The following TAAR5 variants were observed in gnomAD, a reference collection of about 807,000 sequenced individuals.
The protein encoded by TAAR5 is trace amine-associated receptor 5.
A neutral mutation model predicts 21.1 loss-of-function variants in TAAR5; 27 were observed. The observed-to-expected ratio is 1.28, with a 90% CI of 0.94 to 1.76. The LOEUF is 1.76. TAAR5 is among the 40% of genes most tolerant of loss of function. The probability of loss-of-function intolerance (pLI) is 0.00; values close to 1 mark genes in which losing one functional copy is unlikely to be tolerated. For synonymous variants in TAAR5, 203 were observed against 167.5 expected (o/e 1.21, Z -1.64); for missense variants, 495 against 405.6 (o/e 1.22, Z -1.89).
the TAAR5 span, among the ~76,000 whole-genome samples, chr6:132,610,499 C>T: frequency 2.0e-5 from 3 of 152,120 alleles, no homozygotes; most frequent in African/African-American, 7.2e-5. Context: ...CAAGAAAGAG[C>T]AAAAACTGGC....
the TAAR5 span, among the ~76,000 whole-genome samples, chr6:132,613,967 T>A: frequency 6.6e-6 from 1 of 152,216 alleles, no homozygotes; most frequent in Non-Finnish European, 1.5e-5. Context: ...TACAAGCATA[T>A]AAATAAATGT....
chr6:132,597,640 C>G, the TAAR5 span, among the ~76,000 whole-genome samples: 1 of 152,048 alleles, frequency 6.6e-6, no homozygotes, highest in Non-Finnish European at 1.5e-5. Flanking sequence ...TATTATTGTG[C>G]CTTTTTCTCT....
At position 132,589,480 on chromosome 6, in the gene TAAR5, G is replaced by A. The variant is rs1392556342; in HGVS notation, c.207C>T (p.Thr69=). The part of the protein sequence containing the change: ...VSYFKALHTP[T]NFLLLSLALA... ...GGGCCAGGGAGAGCAGCAGGAAGTT[G>A]GTGGGCGTGTGAAGCGCTTTGAAGT... The change falls in exon 1 of 1, where the codon ACC becomes ACT. Residue 69 remains threonine, a synonymous_variant. Coordinates refer to ENST00000258034, the MANE Select transcript of TAAR5 (RefSeq NM_003967.3). The A allele has an allele frequency of 5.0e-6, 8 of 1,613,938 alleles. No individual in the cohort carries two copies. In the Admixed American group the frequency reaches 1.2e-4, roughly 24 times the overall value.
At chr6:132,605,042 G>C in the TAAR5 span, among the ~76,000 whole-genome samples, 1 of 152,164 alleles carries the variant, frequency 6.6e-6, no homozygotes, top group East Asian at 1.9e-4. Flanking sequence ...ATAAGTACCC[G>C]ATTTCACCCT....
At chr6:132,610,787 C>G in the TAAR5 span, among the ~76,000 whole-genome samples, 41,873 of 151,846 alleles carry the variant, frequency 0.28, 5,975 homozygotes, top group Middle Eastern at 0.41. Flanking sequence ...AAGAGCCTTG[C>G]GTTGAGAGTT....
chr6:132,613,361 T>C, the TAAR5 span, among the ~76,000 whole-genome samples: 3 of 152,222 alleles, frequency 2.0e-5, no homozygotes, highest in Admixed American at 2.0e-4. Context: ...CCATTAACAT[T>C]GTTCCTGCCT....
chr6:132,593,834 A>C (rs536841861), upstream of TAAR5, among the ~76,000 whole-genome samples: 59 of 152,316 alleles, frequency 3.9e-4, no homozygotes, highest in African/African-American at 1.3e-3. Context: ...ATCTCACATC[A>C]GTTCTTTCTG....
At chr6:132,593,079 C>T (rs1317319439), upstream of TAAR5, among the ~76,000 whole-genome samples, 1 of 152,092 alleles carries the variant, frequency 6.6e-6, no homozygotes, top group Admixed American at 6.5e-5. Flanking sequence ...GCTTAGTGAC[C>T]CCTTCTCTGA....
chr6:132,613,452 A>G, the TAAR5 span, among the ~76,000 whole-genome samples: 2 of 152,048 alleles, frequency 1.3e-5, no homozygotes, highest in Admixed American at 6.6e-5. Flanking sequence ...TATGTTATCT[A>G]TTATGTTGAA....
chr6:132,606,946 A>C, the TAAR5 span, among the ~76,000 whole-genome samples: 1 of 152,222 alleles, frequency 6.6e-6, no homozygotes, highest in South Asian at 2.1e-4. Flanking sequence ...CTGTAATCCC[A>C]GCACTTTGGG....
chr6:132,604,270 C>T, the TAAR5 span, among the ~76,000 whole-genome samples: 5 of 151,130 alleles, frequency 3.3e-5, no homozygotes, highest in African/African-American at 4.9e-5. Flanking sequence ...CAGCCTCCTG[C>T]GTAGCTGGAC....
chr6:132,589,868 A>G, upstream of TAAR5, among the ~76,000 whole-genome samples: 1 of 151,922 alleles, frequency 6.6e-6, no homozygotes. Context: ...TACTGAATCA[A>G]ATGTGCCCTG....
upstream of TAAR5, among the ~76,000 whole-genome samples, chr6:132,592,820 CT>C (rs1162318556): frequency 6.6e-6 from 1 of 152,072 alleles, no homozygotes; most frequent in African/African-American, 2.4e-5. Flanking sequence ...TTTATAAGTT[CT>C]TATTTATAAG....
the TAAR5 span, among the ~76,000 whole-genome samples, chr6:132,600,834 A>G: frequency 7.1e-6 from 1 of 141,722 alleles, no homozygotes; most frequent in African/African-American, 2.6e-5. Context: ...GGAAGGAAGG[A>G]AGGAGGGAAG....
In TAAR5 at chr6:132,588,594, A is replaced by G. The variant is rs73775126; in HGVS notation, c.*79T>C. Reference sequence around the variant, plus strand: ...TCCTGGAAGCATGCCCACAAACTCAACACCACACAGCCCACGGTCACAGTG... The same window carrying G: ...TCCTGGAAGCATGCCCACAAACTCAGCACCACACAGCCCACGGTCACAGTG... On this transcript the variant is annotated 3_prime_UTR_variant, in exon 1 of 1. Coordinates refer to ENST00000258034, the MANE Select transcript of TAAR5 (RefSeq NM_003967.3). 2.7e-6 allele frequency: 4 copies of G among 1,494,326 alleles called. No individual in the cohort carries two copies. In the African/African-American group the frequency reaches 5.6e-5, roughly 21 times the overall value. 92.6% of individuals were successfully genotyped at this position (1,494,326 alleles called of 1,614,324 possible).
At chr6:132,613,382 T>G in the TAAR5 span, among the ~76,000 whole-genome samples, 2 of 152,204 alleles carry the variant, frequency 1.3e-5, no homozygotes, top group Non-Finnish European at 2.9e-5. Flanking sequence ...TCCTCCCTGC[T>G]TTTCCTCATA....
At chr6:132,596,548 C>G in the TAAR5 span, among the ~76,000 whole-genome samples, 1 of 152,106 alleles carries the variant, frequency 6.6e-6, no homozygotes, top group Admixed American at 6.6e-5. Context: ...TCACTATTTG[C>G]TACAATAGCT....
chr6:132,588,686 A>T lies in TAAR5; in HGVS notation c.1001T>A (p.Leu334Ter). Reference protein sequence around the residue: ...VFSPQTRTVDLYQE With the variant: ...VFSPQTRTVD ...TAGTAGAAGGAATCATTCTTGGTAC[A>T]AATCAACAGTGCGTGTCTGCGGTGA... Residue 334 changes from leucine (L) to a stop codon, truncating the protein, a stop_gained, in exon 1 of 1, where the codon TTG becomes TAG. Coordinates refer to ENST00000258034, the MANE Select transcript of TAAR5 (RefSeq NM_003967.3). LOFTEE classifies it high-confidence loss of function. The T allele has an allele frequency of 6.2e-7, 1 of 1,611,766 alleles. No homozygotes were observed.
In TAAR5 at chr6:132,588,708, G is replaced by T; in HGVS notation, c.979C>A (p.Pro327Thr). ...KLTLSQKVFS[P>T]QTRTVDLYQE is the part of the protein sequence containing the mutation. Reference sequence around the variant, plus strand: ...TACAAATCAACAGTGCGTGTCTGCGGTGAGAAGACCTTCTGGCTCAGTGTG... The same window carrying T: ...TACAAATCAACAGTGCGTGTCTGCGTTGAGAAGACCTTCTGGCTCAGTGTG... Residue 327 changes from proline (P) to threonine (T), a missense_variant, in exon 1 of 1, where the codon CCG becomes ACG. Coordinates refer to ENST00000258034, the MANE Select transcript of TAAR5 (RefSeq NM_003967.3). 10 of 1,613,926 alleles carry T rather than the reference G, an allele frequency of 6.2e-6. No homozygotes were observed. The highest frequency in any genetic ancestry group is 8.5e-6 in the Non-Finnish European group (10 of 1,179,946).
Sources: gnomAD v4.1 joint callset for allele counts (sites outside exome capture counted in the v4.1 genomes callset) on GRCh38, gnomAD v4.1.1 for gene constraint, MANE v1.5 for transcripts, NCBI Gene and HGNC (gene_info 2026-07-23, HGNC 2026-07-21) for gene names.